Variants in ZNF611 observed in about 807,000 individuals in gnomAD.
ZNF611 encodes zinc finger protein 611.
In ZNF611, 6 loss-of-function variants were observed where a neutral mutation model predicts 8.9. The observed-to-expected ratio is 0.68, with a 90% CI of 0.37 to 1.34. The LOEUF (loss-of-function observed/expected upper bound fraction) is 1.34, where lower values mean the gene tolerates loss of function less well. Ranked by LOEUF, ZNF611 falls within the 40% of genes most tolerant of loss-of-function variation. ZNF611 has a pLI of 0.02. For synonymous variants in ZNF611, 262 were observed against 279.7 expected (o/e 0.94, Z 0.63); for missense variants, 874 against 841.3 (o/e 1.04, Z -0.48).
intron 5 of ZNF611, chr19:52,708,097 C>T (rs982447699): frequency 1.3e-5 from 2 of 152,060 alleles, no homozygotes; most frequent in African/African-American, 2.4e-5. Flanking sequence ...TAAACAACTC[C>T]CTCTTAAGAA....
At chr19:52,728,047 C>A (rs2062403455) in intron 3 of ZNF611, among the ~76,000 whole-genome samples, 1 of 151,800 alleles carries the variant, frequency 6.6e-6, no homozygotes, top group African/African-American at 2.4e-5. Flanking sequence ...GCTGGGACTA[C>A]AAGCATGTGC....
intron 3 of ZNF611, 68 bp from the exon 4 acceptor site, chr19:52,715,981 C>T (rs1404721744): frequency 1.7e-5 from 26 of 1,568,846 alleles, no homozygotes; most frequent in African/African-American, 2.7e-5. Context: ...CAAAAACACA[C>T]GAACGGGGGA....
chr19:52,731,827 C>T (rs1177643089), intron 1 of ZNF611, among the ~76,000 whole-genome samples: 2 of 151,948 alleles, frequency 1.3e-5, no homozygotes, highest in African/African-American at 2.4e-5. Flanking sequence ...CAAAATTAGC[C>T]GAGCGTGGTG....
rs1341801164 is a variant in ZNF611, at chr19:52,704,811, C to T, written c.*126G>A. 2 of 1,596,794 alleles carry T rather than the reference C, an allele frequency of 1.3e-6. No individual in the cohort carries two copies. The highest frequency in any genetic ancestry group is 1.3e-5 in the African/African-American group (1 of 74,378). On this transcript the variant is annotated 3_prime_UTR_variant, in exon 6 of 6. Transcript: ENST00000652185. ...CAGTGTGAAGTCCAGTATGTTGTTCCAGGTGTGAATCACTCCCAAGTCTTG... is the reference window on the plus strand; with the variant it reads ...CAGTGTGAAGTCCAGTATGTTGTTCTAGGTGTGAATCACTCCCAAGTCTTG...
At chr19:52,712,812 G>C (rs1235239523) in intron 5 of ZNF611, among the ~76,000 whole-genome samples, 1 of 152,110 alleles carries the variant, frequency 6.6e-6, no homozygotes, top group East Asian at 1.9e-4. Context: ...GTAAAGAGAA[G>C]AAACCAACCC....
intron 3 of ZNF611, among the ~76,000 whole-genome samples, chr19:52,716,464 G>GC (rs1250604778): frequency 1.3e-5 from 2 of 152,208 alleles, no homozygotes; most frequent in Non-Finnish European, 2.9e-5. Flanking sequence ...GGCGAGCCCA[G>GC]CACAGCCCCA....
intron 3 of ZNF611, among the ~76,000 whole-genome samples, chr19:52,727,596 T>C (rs545607598): frequency 2.6e-5 from 4 of 152,184 alleles, no homozygotes; most frequent in South Asian, 4.2e-4. Context: ...CAGGCGCCTG[T>C]AATTTTTCTG....
At chr19:52,721,605 T>G (rs1600325402) in intron 3 of ZNF611, among the ~76,000 whole-genome samples, 2 of 150,318 alleles carry the variant, frequency 1.3e-5, no homozygotes, top group African/African-American at 4.9e-5. Flanking sequence ...GGCAGGGAGG[T>G]TGCAGCGAGC....
At chr19:52,730,391 C>CAAAAAA (rs1159350274) in intron 1 of ZNF611, among the ~76,000 whole-genome samples, 27 of 73,560 alleles carry the variant, frequency 3.7e-4, no homozygotes, top group South Asian at 6.3e-4. Context: ...GACTCCGTCT[C>CAAAAAA]AAAAAAAAAA....
chr19:52,711,047 A>AT (rs1290305934), intron 5 of ZNF611, among the ~76,000 whole-genome samples: 8 of 151,750 alleles, frequency 5.3e-5, no homozygotes, highest in African/African-American at 1.9e-4. Flanking sequence ...AAAAAAAAAA[A>AT]AAGGCCAGGC....
chr19:52,720,486 G>A (rs1307749941), intron 3 of ZNF611, among the ~76,000 whole-genome samples: 14 of 137,086 alleles, frequency 1.0e-4, no homozygotes, highest in South Asian at 6.7e-4. Flanking sequence ...TGGGGCGGCC[G>A]GGCAGAGGCG....
chr19:52,726,377 CTTCA>C (rs1254850048), intron 3 of ZNF611, among the ~76,000 whole-genome samples: 1 of 152,206 alleles, frequency 6.6e-6, no homozygotes, highest in Non-Finnish European at 1.5e-5. Context: ...GCAGTGCTCT[CTTCA>C]TTGTCTCTCT....
intron 5 of ZNF611, among the ~76,000 whole-genome samples, chr19:52,712,121 G>A (rs1418053595): frequency 6.6e-6 from 1 of 152,104 alleles, no homozygotes; most frequent in Non-Finnish European, 1.5e-5. Context: ...GGTGAAAGCA[G>A]TTTTACATCT....
In ZNF611 at chr19:52,706,051, G is replaced by A; in HGVS notation, c.1004C>T (p.Ala335Val). 1 of 1,613,990 alleles carries A rather than the reference G, an allele frequency of 6.2e-7. No homozygotes were observed. Among genetic ancestry groups the A allele is most frequent in the South Asian group, 1.1e-5 (1 of 91,070 alleles). Residue 335 changes from alanine (A) to valine (V), a missense_variant, in exon 6 of 6, where the codon GCA becomes GTA. By Grantham distance (64) the Ala-to-Val change is moderately conservative (BLOSUM62 0). Coordinates refer to ENST00000652185, the MANE Select transcript of ZNF611 (RefSeq NM_001161499.2). ...GQNSALLIDKAIDTGENPYKC... is the reference protein window; with the variant it reads ...GQNSALLIDKVIDTGENPYKC... ...GTAAGGATTTTCTCCAGTATCAATT[G>A]CCTTATCAATTAGAAGGGCTGAATT...
chr19:52,719,227 A>G lies in ZNF611; in HGVS notation c.-19-3314T>C, dbSNP rs2062338031. On this transcript the variant is annotated intron_variant, in intron 3 of 5. Transcript: ENST00000652185. ...AAAAACCAACCACATGAATGAAATG[A>G]AGAGGAACTAGAAAAAAGGAAACCA... 2.6e-5 allele frequency among the ~76,000 whole-genome samples: 4 copies of G among 152,218 alleles called. No homozygotes were observed. In the South Asian group the frequency reaches 8.3e-4, roughly 32 times the overall value.
At chr19:52,714,909 G>T (rs1216605855) in intron 4 of ZNF611, among the ~76,000 whole-genome samples, 1 of 149,974 alleles carries the variant, frequency 6.7e-6, no homozygotes, top group South Asian at 2.1e-4. Context: ...GAGGCAGGAG[G>T]ATCGCTTGAA....
At chr19:52,719,185 T>C (rs753737451) in intron 3 of ZNF611, among the ~76,000 whole-genome samples, 23 of 151,148 alleles carry the variant, frequency 1.5e-4, no homozygotes, top group Non-Finnish European at 2.8e-4. Flanking sequence ...AAAAAATAAA[T>C]GAATAAAAAC....
intron 3 of ZNF611, chr19:52,717,676 G>A: frequency 1.0e-6 from 1 of 984,872 alleles, no homozygotes; most frequent in Non-Finnish European, 1.2e-6. Context: ...AGTCAATCCA[G>A]CCCATCCTTC....
chr19:52,711,258 G>C (rs1233043540), intron 5 of ZNF611: 1 of 152,076 alleles, frequency 6.6e-6, no homozygotes, highest in Non-Finnish European at 1.5e-5. Flanking sequence ...TTTGAATCCG[G>C]GAGGTGGAGG....
Sources: gnomAD v4.1 joint callset for allele counts (sites outside exome capture counted in the v4.1 genomes callset) on GRCh38, gnomAD v4.1.1 for gene constraint, MANE v1.5 for transcripts, NCBI Gene and HGNC (gene_info 2026-07-23, HGNC 2026-07-21) for gene names.